The following FTO variants were observed in gnomAD, a reference collection of about 807,000 sequenced individuals.
FTO encodes FTO alpha-ketoglutarate dependent dioxygenase.
In FTO, 47 loss-of-function variants were observed where a neutral mutation model predicts 63.9. The observed-to-expected ratio is 0.74, with a 90% confidence interval of 0.58 to 0.94. FTO has a LOEUF of 0.94. Ranked by LOEUF, FTO falls within the 40% of genes least tolerant of loss-of-function variation. The pLI, the probability that FTO is intolerant of heterozygous loss-of-function variation, is 0.00. For missense variants in FTO, 562 were observed against 618.1 expected (o/e 0.91, Z 0.96); for synonymous variants, 207 against 224.4 (o/e 0.92, Z 0.69).
chr16:54,105,054 G>A (rs1234788816), intron 8 of FTO, among the ~76,000 whole-genome samples: 3 of 152,158 alleles, frequency 2.0e-5, no homozygotes, highest in Non-Finnish European at 4.4e-5. Flanking sequence ...ACCCGGTAAA[G>A]CAGAGAAGCA....
chr16:53,754,488 A>G (rs1267818229), intron 1 of FTO, among the ~76,000 whole-genome samples: 1 of 152,146 alleles, frequency 6.6e-6, no homozygotes, highest in Non-Finnish European at 1.5e-5. Flanking sequence ...AAATGCAAAA[A>G]TTGGCCGGGC....
chr16:53,826,049 C>T lies in FTO; in HGVS notation c.309C>T (p.Gly103=). 6.2e-7 allele frequency: 1 copy of T among 1,614,150 alleles called. No individual in the cohort carries two copies. The highest frequency in any genetic ancestry group is 1.1e-5 in the South Asian group (1 of 91,080). Residue 103 remains glycine (G), a synonymous_variant, in exon 3 of 9, where the codon GGC becomes GGT. Transcript: ENST00000471389. ...CTCGCATCCTCATTGGTAATCCAGG[C>T]TGCACCTACAAGTACCTGAACACCA... The part of the protein sequence containing the change: ...PVSRILIGNP[G]CTYKYLNTRL...
At chr16:54,107,817 G>A (rs757752604) in intron 8 of FTO, among the ~76,000 whole-genome samples, 27 of 152,222 alleles carry the variant, frequency 1.8e-4, no homozygotes, top group Non-Finnish European at 3.7e-4. Context: ...GCAGCAAAAT[G>A]TTGATGGCAG....
intron 8 of FTO, among the ~76,000 whole-genome samples, chr16:53,986,483 A>G (rs1039507292): frequency 6.6e-6 from 1 of 152,226 alleles, no homozygotes; most frequent in South Asian, 2.1e-4. Flanking sequence ...TTTGTGTGGT[A>G]CACAGGAAGG....
At chr16:53,949,567 TA>T (rs1382017718) in intron 8 of FTO, among the ~76,000 whole-genome samples, 1 of 152,138 alleles carries the variant, frequency 6.6e-6, no homozygotes, top group Non-Finnish European at 1.5e-5. Context: ...ACCATTTCAT[TA>T]AAATAAGCCA....
chr16:53,927,018 TA>T (rs1777850406), intron 7 of FTO, among the ~76,000 whole-genome samples: 1 of 152,192 alleles, frequency 6.6e-6, no homozygotes, highest in Admixed American at 6.5e-5. Flanking sequence ...GACGAAAGCC[TA>T]AAAACCACTA....
chr16:53,934,163 T>TA, intron 8 of FTO, 54 bp downstream of exon 8: 1 of 1,605,644 alleles, frequency 6.2e-7, no homozygotes, highest in Non-Finnish European at 8.5e-7. Context: ...AGAACTATAT[T>TA]TGGCCAAGCC....
rs2086153366 is a variant in FTO at position 54,081,866 on chromosome 16, C to T, written c.1365-29896C>T. On this transcript the variant is annotated intron_variant, in intron 8 of 8. Coordinates refer to ENST00000471389, the MANE Select transcript of FTO (RefSeq NM_001080432.3). ...AATATCCAGATGCATTAAACAATGA[C>T]CTTCTCAAATCATAACGGAACAGAG... 2.0e-5 allele frequency among the ~76,000 whole-genome samples: 3 copies of T among 152,164 alleles called. No individual in the cohort carries two copies. The South Asian group carries it at 6.2e-4, about 32-fold the overall frequency.
intron 8 of FTO, among the ~76,000 whole-genome samples, chr16:53,942,697 G>A (rs1334258206): frequency 6.6e-6 from 1 of 152,220 alleles, no homozygotes; most frequent in Non-Finnish European, 1.5e-5. Flanking sequence ...ATGTGGACTA[G>A]AACTTGGAGC....
At chr16:53,921,100 C>G (rs569417947) in intron 7 of FTO, among the ~76,000 whole-genome samples, 1 of 152,196 alleles carries the variant, frequency 6.6e-6, no homozygotes, top group African/African-American at 2.4e-5. Context: ...ACTGTAGGGC[C>G]GCAGACAAAA....
At chr16:53,879,730 C>A in intron 5 of FTO, 114 bp from the exon 6 acceptor site, 1 of 1,095,624 alleles carries the variant, frequency 9.1e-7, no homozygotes, top group Non-Finnish European at 1.4e-6. Flanking sequence ...TAGACTGAGC[C>A]ATGGGGCAAC....
chr16:54,049,214 A>G (rs1281299244), intron 8 of FTO, among the ~76,000 whole-genome samples: 1 of 152,192 alleles, frequency 6.6e-6, no homozygotes, highest in African/African-American at 2.4e-5. Context: ...CACAGCCTTA[A>G]TTACGCACTT....
chr16:54,056,113 G>A (rs924946263), intron 8 of FTO, among the ~76,000 whole-genome samples: 6 of 152,172 alleles, frequency 3.9e-5, no homozygotes, highest in South Asian at 2.1e-4. Flanking sequence ...TGACTAGTGC[G>A]TAACAATAGC....
At chr16:53,862,257 C>CA (rs1051792633) in intron 4 of FTO, among the ~76,000 whole-genome samples, 2 of 151,996 alleles carry the variant, frequency 1.3e-5, no homozygotes, top group African/African-American at 2.4e-5. Flanking sequence ...AAAAAACAAA[C>CA]AAACAAACAA....
chr16:54,041,808 C>T (rs1285364631), intron 8 of FTO, among the ~76,000 whole-genome samples: 2 of 152,204 alleles, frequency 1.3e-5, no homozygotes, highest in East Asian at 1.9e-4. Flanking sequence ...CACGCTGGCT[C>T]TTCTGCAAGA....
rs150512276 is a variant in FTO, at chr16:53,957,022, G to A, written c.1364+22913G>A. Among the ~76,000 whole-genome samples the A allele has an allele frequency of 4.7e-4, 71 of 152,288 alleles. 1 individual carries two copies. The East Asian group carries it at 0.013, about 28-fold the overall frequency. On this transcript the variant is annotated intron_variant, in intron 8 of 8. Transcript: ENST00000471389. ...TTAAAATGTATTTCTATAATATGTA[G>A]ATGTTTGCTTCAGGGATCCTTTCCT...
chr16:53,893,318 TC>T (rs1288134321), intron 7 of FTO, among the ~76,000 whole-genome samples: 1 of 152,134 alleles, frequency 6.6e-6, no homozygotes, highest in Non-Finnish European at 1.5e-5. Context: ...CCGATGCACT[TC>T]CTACCCCCAC....
intron 8 of FTO, among the ~76,000 whole-genome samples, chr16:53,996,429 A>C (rs972762292): frequency 1.3e-5 from 2 of 152,178 alleles, no homozygotes; most frequent in Non-Finnish European, 2.9e-5. Flanking sequence ...GTAACACTGG[A>C]GCATTCATCA....
chr16:53,813,315 G>T (rs888777920), intron 2 of FTO, among the ~76,000 whole-genome samples: 4 of 151,656 alleles, frequency 2.6e-5, no homozygotes, highest in Non-Finnish European at 5.9e-5. Flanking sequence ...AGATTCAAGC[G>T]ATTCTCCTGC....
Sources: allele counts gnomAD v4.1 joint callset (sites outside exome capture counted in the v4.1 genomes callset), GRCh38; gene constraint gnomAD v4.1.1; transcripts MANE v1.5; gene names NCBI Gene and HGNC (gene_info 2026-07-23, HGNC 2026-07-21).